The following DGCR2 variants were observed in gnomAD, a reference collection of about 807,000 sequenced individuals.
DGCR2 encodes integral membrane protein DGCR2/IDD.
Under a neutral mutation model 51.6 loss-of-function variants are expected in DGCR2, and 24 were observed. That is an observed-to-expected ratio of 0.47 (90% CI 0.34 to 0.65). The LOEUF is 0.65. Ranked by LOEUF, DGCR2 falls within the 30% of genes least tolerant of loss-of-function variation. The pLI, the probability that DGCR2 is intolerant of heterozygous loss-of-function variation, is 0.01. For synonymous variants in DGCR2, 340 were observed against 315.4 expected (o/e 1.08, Z -0.82); for missense variants, 765 against 772.1 (o/e 0.99, Z 0.11).
At chr22:19,099,391 C>G (rs2800959) in intron 1 of DGCR2, among the ~76,000 whole-genome samples, 74,655 of 151,442 alleles carry the variant, frequency 0.49, 19,490 homozygotes, top group African/African-American at 0.68. Context: ...ACCAGCCTGG[C>G]CAACATGGTG....
At chr22:19,053,626 A>T (rs183295100) in intron 6 of DGCR2, among the ~76,000 whole-genome samples, 9 of 152,348 alleles carry the variant, frequency 5.9e-5, no homozygotes, top group Non-Finnish European at 1.2e-4. Context: ...TACTGAACTC[A>T]GTCTCTATTG....
rs545372015 is a variant in DGCR2, at chr22:19,088,177, C to T, written c.202+1191G>A. ...ACAGCACACCTTTCATGTCCTAGGC[C>T]AAGTCCCACTAAGGAAGGAGAAAGG... On this transcript the variant is annotated intron_variant, in intron 2 of 9. Transcript: ENST00000263196. Among the ~76,000 whole-genome samples, 4 of 152,300 alleles carry T rather than the reference C, an allele frequency of 2.6e-5. No homozygotes were observed. The South Asian group carries it at 8.3e-4, about 32-fold the overall frequency.
chr22:19,076,790 G>A (rs2082882535), intron 2 of DGCR2, among the ~76,000 whole-genome samples: 1 of 138,270 alleles, frequency 7.2e-6, no homozygotes, highest in Non-Finnish European at 1.5e-5. Flanking sequence ...GAGTGCAGTG[G>A]TGTGATCTCG....
rs1419080508 is a variant in DGCR2 at position 19,057,099 on chromosome 22, T to G, written c.689A>C (p.Asn230Thr). Reference protein sequence around the residue: ...IFASAMSENDNVFCAQLQCFH... With the variant: ...IFASAMSENDTVFCAQLQCFH... ...GCACTGAAGCTGGGCACAGAACACGTTGTCGTTCTCAGACATGGCCGAGGC... is the reference window on the plus strand; with the variant it reads ...GCACTGAAGCTGGGCACAGAACACGGTGTCGTTCTCAGACATGGCCGAGGC... The change falls in exon 6 of 10, where the codon AAC (asparagine) becomes ACC (threonine). Residue 230 changes from asparagine (N) to threonine (T), a missense_variant. Physicochemically the swap from Asn to Thr is moderately conservative, Grantham distance 65. Transcript: ENST00000263196. This position sits in a 1 kb window ranked among gnomAD's most constrained non-coding sequence, Gnocchi z 5.1. The G allele has an allele frequency of 6.2e-7, 1 of 1,607,374 alleles. No homozygotes were observed.
chr22:19,040,011 C>A (rs1446169599), intron 9 of DGCR2, among the ~76,000 whole-genome samples: 1 of 152,180 alleles, frequency 6.6e-6, no homozygotes, highest in African/African-American at 2.4e-5. Context: ...TGCGCCTGGG[C>A]TGCCTGCTTG....
chr22:19,071,066 C>A (rs2082809204), intron 2 of DGCR2, among the ~76,000 whole-genome samples: 1 of 152,240 alleles, frequency 6.6e-6, no homozygotes, highest in Non-Finnish European at 1.5e-5. Context: ...AGCTGGGGGG[C>A]CTCTTCCACC....
At chr22:19,040,377 A>C (rs2082417390) in intron 9 of DGCR2, among the ~76,000 whole-genome samples, 1 of 152,224 alleles carries the variant, frequency 6.6e-6, no homozygotes, top group Non-Finnish European at 1.5e-5. Flanking sequence ...GGAGCCAGCC[A>C]CTTTGGGGTG....
chr22:19,104,037 G>A (rs2083235568), intron 1 of DGCR2, among the ~76,000 whole-genome samples: 1 of 150,894 alleles, frequency 6.6e-6, no homozygotes, highest in African/African-American at 2.5e-5. Flanking sequence ...AAGAGAGAGA[G>A]AAAAAAAGAG....
At chr22:19,065,391 C>T (rs1419607374) in intron 3 of DGCR2, among the ~76,000 whole-genome samples, 1 of 152,242 alleles carries the variant, frequency 6.6e-6, no homozygotes, top group Non-Finnish European at 1.5e-5. Context: ...CACAGCACAA[C>T]TCCCATGCAG....
At chr22:19,092,340 T>C (rs2083087872) in intron 1 of DGCR2, among the ~76,000 whole-genome samples, 1 of 123,364 alleles carries the variant, frequency 8.1e-6, no homozygotes. Context: ...CGAGACTCCA[T>C]CTTAAAAAAA....
rs201078846 is a variant in DGCR2, at chr22:19,063,266, G to C, written c.561C>G (p.Gly187=). 3.5e-5 allele frequency: 57 copies of C among 1,613,980 alleles called. No individual in the cohort carries two copies. The highest frequency in any genetic ancestry group is 4.7e-5 in the Non-Finnish European group (56 of 1,180,010). Reference sequence around the variant, plus strand: ...TCCGGCCAGTGATAACATACTGATAGCCAACCCACAACCTGCAGGGCACAG... The same window carrying C: ...TCCGGCCAGTGATAACATACTGATACCCAACCCACAACCTGCAGGGCACAG... ...GWKDQRKLWV[G]YQYVITGRNR... Residue 187 remains glycine (G), a synonymous_variant, in exon 5 of 10, where the codon GGC becomes GGG. Transcript: ENST00000263196.
chr22:19,117,119 G>C (rs1323818262), intron 1 of DGCR2, among the ~76,000 whole-genome samples: 1 of 152,072 alleles, frequency 6.6e-6, no homozygotes, highest in Non-Finnish European at 1.5e-5. Context: ...GGATCTGTGC[G>C]TAACAAGATT....
intron 5 of DGCR2, 137 bp downstream of exon 5, chr22:19,063,065 C>G (rs995552528): frequency 4.5e-5 from 34 of 754,358 alleles, no homozygotes; most frequent in Non-Finnish European, 6.8e-5. Flanking sequence ...GCAGCCCTCC[C>G]TGCAACTGGG....
Position 19,038,946 on chromosome 22 carries a change from G to A in DGCR2, c.1572C>T (p.Ala524=). The A allele has an allele frequency of 6.2e-7, 1 of 1,612,526 alleles. No individual in the cohort carries two copies. The part of the protein sequence containing the change: ...SSALLVPPDP[A]QSGSTPAAEA... ...CTGCAGCTGGGGTGCTCCCGCTCTG[G>A]GCAGGGTCAGGGGGCACGAGCAGGG... is the stretch of plus-strand genomic sequence containing the variant. Residue 524 remains alanine, a synonymous_variant, in exon 10 of 10, where the codon GCC becomes GCT. Transcript: ENST00000263196.
rs200623896 is a variant in DGCR2 at position 19,041,230 on chromosome 22, C to A, written c.1224G>T (p.Thr408=). Reference sequence around the variant, plus strand: ...CAGAAAGATGCAGCGGCGTGAGGCCCGTGCCAAACCCGTCTGGGCCGTAAT... The same window carrying A: ...CAGAAAGATGCAGCGGCGTGAGGCCAGTGCCAAACCCGTCTGGGCCGTAAT... ...GFDYGPDGFG[T]GLTPLHLSDD... Residue 408 remains threonine (T), a synonymous_variant, in exon 9 of 10, where the codon ACG becomes ACT. Transcript: ENST00000263196. The A allele has an allele frequency of 2.5e-6, 4 of 1,613,966 alleles. No homozygotes were observed. Among genetic ancestry groups the A allele is most frequent in the Admixed American group, 1.7e-5 (1 of 59,996 alleles).
intron 1 of DGCR2, among the ~76,000 whole-genome samples, chr22:19,098,494 T>G (rs895949400): frequency 6.6e-6 from 1 of 152,196 alleles, no homozygotes; most frequent in African/African-American, 2.4e-5. Context: ...CCAATAAAGC[T>G]TTAGCGAAAA....
At chr22:19,047,919 C>T (rs753882876) in intron 7 of DGCR2, 63 of 168,214 alleles carry the variant, frequency 3.7e-4, no homozygotes, top group Admixed American at 7.3e-4. Context: ...AGGCTGGACG[C>T]GGTGGCTCAT....
chr22:19,085,008 G>A (rs937741366), intron 2 of DGCR2, among the ~76,000 whole-genome samples: 1 of 151,718 alleles, frequency 6.6e-6, no homozygotes, highest in African/African-American at 2.4e-5. Context: ...GTGGGGAAAA[G>A]ATTGAGAAAT....
chr22:19,050,885 A>G (rs1601514011), intron 6 of DGCR2, among the ~76,000 whole-genome samples: 1 of 152,226 alleles, frequency 6.6e-6, no homozygotes, highest in Non-Finnish European at 1.5e-5. Flanking sequence ...ACTTGACACC[A>G]AAAGAATAAT....
Sources: gnomAD v4.1 joint callset for allele counts (sites outside exome capture counted in the v4.1 genomes callset) on GRCh38, gnomAD v4.1.1 for gene constraint, Gnocchi (gnomAD v3.1) non-coding constraint, MANE v1.5 for transcripts, NCBI Gene and HGNC (gene_info 2026-07-23, HGNC 2026-07-21) for gene names.